CRLF1: variants seen among roughly 807,000 people sequenced by gnomAD.
The protein encoded by CRLF1 is cytokine receptor like factor 1.
Under a neutral mutation model 48.9 loss-of-function variants are expected in CRLF1, and 36 were observed. That is an observed-to-expected ratio of 0.74 (90% CI 0.56 to 0.97). The LOEUF (loss-of-function observed/expected upper bound fraction) is 0.97. Among genes scored for constraint, CRLF1 ranks in the 50% least tolerant of loss-of-function variants. The pLI is 0.00. For missense variants in CRLF1, 534 were observed against 575.1 expected (o/e 0.93, Z 0.73); for synonymous variants, 256 against 253.4 (o/e 1.01, Z -0.10).
chr19:18,603,420 A>C (rs1359546447), intron 1 of CRLF1, among the ~76,000 whole-genome samples: 1 of 152,232 alleles, frequency 6.6e-6, no homozygotes, highest in Non-Finnish European at 1.5e-5. Flanking sequence ...TGCAAGTGCC[A>C]AGGTCCTGGG....
At chr19:18,597,632 GT>G (rs1222716352) in intron 4 of CRLF1, among the ~76,000 whole-genome samples, 1 of 151,804 alleles carries the variant, frequency 6.6e-6, no homozygotes. Flanking sequence ...GGGTTTCACC[GT>G]TTTTTAGCCG....
Position 18,594,345 on chromosome 19 carries a change from C to A in CRLF1, c.1114G>T (p.Gly372Cys). 1 of 1,612,090 alleles carries A rather than the reference C, an allele frequency of 6.2e-7. No individual in the cohort carries two copies. The highest frequency in any genetic ancestry group is 8.5e-7 in the Non-Finnish European group (1 of 1,179,692). The part of the protein sequence containing the change: ...PVRRELKQFL[G>C]WLKKHAYCSN... ...CAGTACGCGTGCTTCTTGAGCCAGC[C>A]CAGGAACTGCTTGAGCTCGCGCCGC... The change falls in exon 7 of 9, where the codon GGC (glycine) becomes TGC (cysteine). Residue 372 changes from glycine (G) to cysteine (C), a missense_variant. Gly to Cys is a radical substitution (Grantham distance 159). This residue lies in a region of CRLF1 where 528 missense variants were observed against 555.7 expected (regional missense o/e 0.95). Transcript: ENST00000392386.
At chr19:18,597,591 G>A (rs898406487) in intron 4 of CRLF1, among the ~76,000 whole-genome samples, 6 of 151,798 alleles carry the variant, frequency 4.0e-5, no homozygotes, top group East Asian at 1.9e-4. Flanking sequence ...CACTACGCCC[G>A]GCTAAATTGT....
chr19:18,594,032 T>TGGGGGGGCCC, intron 8 of CRLF1, 33 bp downstream of exon 8: 1 of 695,812 alleles, frequency 1.4e-6, no homozygotes, highest in Non-Finnish European at 2.2e-6. Flanking sequence ...CTCCCCTTGC[T>TGGGGGGGCCC]CCCTCCCGCC....
In CRLF1 at chr19:18,603,186, T is replaced by G. The variant is rs139436649; in HGVS notation, c.116-3340A>C. 2.1e-3 allele frequency among the ~76,000 whole-genome samples: 320 copies of G among 152,374 alleles called. 1 individual carries two copies. Among genetic ancestry groups the G allele is most frequent in the African/African-American group, 7.4e-3 (307 of 41,596 alleles). ...TGATGCCCAAGACACACAAAAGTCCTGCCCTTGTGGGCATCAAATCCAAGG... is the reference window on the plus strand; with the variant it reads ...TGATGCCCAAGACACACAAAAGTCCGGCCCTTGTGGGCATCAAATCCAAGG... On this transcript the variant is annotated intron_variant, in intron 1 of 8. Transcript: ENST00000392386.
intron 1 of CRLF1, among the ~76,000 whole-genome samples, chr19:18,601,624 G>C (rs933537332): frequency 3.4e-4 from 52 of 152,088 alleles, no homozygotes; most frequent in African/African-American, 1.0e-3. Flanking sequence ...GGCTGGTCTC[G>C]AACTCCTGAC....
At position 18,606,532 on chromosome 19, in the gene CRLF1, G is replaced by C. The variant is rs1206063536; in HGVS notation, c.115+10C>G. On this transcript the variant is annotated intron_variant, in intron 1 of 8. Coordinates refer to ENST00000392386, the MANE Select transcript of CRLF1 (RefSeq NM_004750.5). The surrounding 1 kb of genome is among the most constrained non-coding windows in gnomAD (Gnocchi z 4.8). ...GGCAGGGGGGAAGGAGTGGGGCGCC[G>C]GGTACTCACGGGCTCCTGATCCGGC... 8.6e-6 allele frequency: 10 copies of C among 1,161,752 alleles called. No individual in the cohort carries two copies. The highest frequency in any genetic ancestry group is 1.1e-5 in the Non-Finnish European group (10 of 943,578). The allele number at this position is 1,161,752 out of a possible 1,614,324, so 72.0% of individuals were successfully genotyped here.
chr19:18,601,252 C>G (rs1976216813), intron 1 of CRLF1, among the ~76,000 whole-genome samples: 1 of 151,932 alleles, frequency 6.6e-6, no homozygotes, highest in South Asian at 2.1e-4. Context: ...AAGCCCTGAC[C>G]CTTACTTGAA....
rs759747004 is a variant in CRLF1 at position 18,593,596 on chromosome 19, A to G, written c.1256-17T>C. 1.2e-6 allele frequency: 2 copies of G among 1,601,810 alleles called. No homozygotes were observed. The highest frequency in any genetic ancestry group is 1.7e-6 in the Non-Finnish European group (2 of 1,174,544). The stretch of plus-strand genomic sequence containing the variant: ...TGGCAGGACCTGCAGGCAGAGGGGA[A>G]GCCAAGCTAAGCAGGGAGTCCAGGA... On this transcript the variant is annotated splice_polypyrimidine_tract_variant and intron_variant, in intron 8 of 8. Transcript: ENST00000392386.
intron 6 of CRLF1, among the ~76,000 whole-genome samples, chr19:18,594,976 G>GAC (rs1182495705): frequency 6.6e-6 from 1 of 152,084 alleles, no homozygotes; most frequent in Non-Finnish European, 1.5e-5. Flanking sequence ...GAGGAAGAGT[G>GAC]ACAGATGAAG....
At position 18,593,516 on chromosome 19, in the gene CRLF1, C is replaced by T. The variant is rs1411258717; in HGVS notation, c.*50G>A. The T allele has an allele frequency of 3.7e-6, 6 of 1,605,718 alleles. No individual in the cohort carries two copies. In the African/African-American group the frequency reaches 4.0e-5, roughly 11 times the overall value. ...TACAGAGGTGGCCCCAGTTTGGGTT[C>T]GGCCTCTGCGTCTCCACGTGGCAGG... On this transcript the variant is annotated 3_prime_UTR_variant, in exon 9 of 9. Coordinates refer to ENST00000392386, the MANE Select transcript of CRLF1 (RefSeq NM_004750.5).
intron 2 of CRLF1, among the ~76,000 whole-genome samples, chr19:18,599,293 A>C (rs1158770786): frequency 6.6e-6 from 1 of 152,060 alleles, no homozygotes; most frequent in Non-Finnish European, 1.5e-5. Context: ...TTTAGTAGAG[A>C]TGGGGTTTCG....
rs748628554 is a variant in CRLF1 at position 18,593,573 on chromosome 19, G to C, written c.1262C>G (p.Ala421Gly). The C allele has an allele frequency of 6.2e-7, 1 of 1,608,878 alleles. No homozygotes were observed. The highest frequency in any genetic ancestry group is 8.5e-7 in the Non-Finnish European group (1 of 1,178,154). The change falls in exon 9 of 9, where the codon GCC becomes GGC. Residue 421 changes from alanine to glycine, a missense_variant. Transcript: ENST00000392386. ...SGRRGTARGP[A>G]R Reference sequence around the variant, plus strand: ...GGCCTGAGCCCCTACAGCTTATCTGGCAGGACCTGCAGGCAGAGGGGAAGC... The same window carrying C: ...GGCCTGAGCCCCTACAGCTTATCTGCCAGGACCTGCAGGCAGAGGGGAAGC...
In CRLF1 at chr19:18,606,685, G is replaced by T. The variant is rs1454968706; in HGVS notation, c.-29C>A. ...GCCGGCGCTGCCGGGGGCGCGCGGCGGGCTGCGGCTCGGCGGCGGTGGCGC... is the reference window on the plus strand; with the variant it reads ...GCCGGCGCTGCCGGGGGCGCGCGGCTGGCTGCGGCTCGGCGGCGGTGGCGC... On this transcript the variant is annotated 5_prime_UTR_variant, in exon 1 of 9. Coordinates refer to ENST00000392386, the MANE Select transcript of CRLF1 (RefSeq NM_004750.5). This position sits in a 1 kb window ranked among gnomAD's most constrained non-coding sequence, Gnocchi z 4.8. The T allele has an allele frequency of 6.4e-6, 3 of 468,684 alleles. No homozygotes were observed. The highest frequency in any genetic ancestry group is 8.3e-6 in the Non-Finnish European group (3 of 361,278). The allele number at this position is 468,684 out of a possible 1,614,324, so 29.0% of individuals were successfully genotyped here.
Position 18,606,550 on chromosome 19 carries a change from G to T in CRLF1, c.107C>A (p.Ser36Ter). The change falls in exon 1 of 9, where the codon TCA becomes TAA. Residue 36 changes from serine to a stop codon, truncating the protein, a stop_gained. Coordinates refer to ENST00000392386, the MANE Select transcript of CRLF1 (RefSeq NM_004750.5). LOFTEE classifies it high-confidence loss of function. This position sits in a 1 kb window ranked among gnomAD's most constrained non-coding sequence, Gnocchi z 4.8. Reference protein sequence around the residue: ...LCVLGAPRAGSGAHTAVISPQ... With the variant: ...LCVLGAPRAG ...GGGCGCCGGGTACTCACGGGCTCCTGATCCGGCTCGCGGCGCCCCGAGGAC... is the reference window on the plus strand; with the variant it reads ...GGGCGCCGGGTACTCACGGGCTCCTTATCCGGCTCGCGGCGCCCCGAGGAC... 1 of 1,153,698 alleles carries T rather than the reference G, an allele frequency of 8.7e-7. No homozygotes were observed. Among genetic ancestry groups the T allele is most frequent in the South Asian group, 4.2e-5 (1 of 23,608 alleles). The allele number at this position is 1,153,698 out of a possible 1,614,324, so 71.5% of individuals were successfully genotyped here.
intron 1 of CRLF1, among the ~76,000 whole-genome samples, chr19:18,600,432 G>A (rs995117033): frequency 2.0e-5 from 3 of 151,630 alleles, no homozygotes; most frequent in Non-Finnish European, 2.9e-5. Context: ...GCAGTGGCAC[G>A]ATCTCGGCTC....
At chr19:18,599,004 AAGG>A in intron 2 of CRLF1, 103 bp from the exon 3 acceptor site, 1 of 1,565,238 alleles carries the variant, frequency 6.4e-7, no homozygotes, top group Non-Finnish European at 8.6e-7. Context: ...CTTGGAGTGG[AAGG>A]AGGGCAGACA....
chr19:18,600,889 G>T (rs1437735884), intron 1 of CRLF1, among the ~76,000 whole-genome samples: 3 of 151,248 alleles, frequency 2.0e-5, no homozygotes, highest in African/African-American at 4.9e-5. Flanking sequence ...CTGCAGCCTC[G>T]ATCTCCTGGG....
At chr19:18,598,960 C>A in intron 2 of CRLF1, 59 bp from the exon 3 acceptor site, 1 of 1,597,872 alleles carries the variant, frequency 6.3e-7, no homozygotes, top group Non-Finnish European at 8.5e-7. Context: ...TGAGCCTCGG[C>A]TGAGGGGTTG....
Sources: gnomAD v4.1 joint callset for allele counts (sites outside exome capture counted in the v4.1 genomes callset) on GRCh38, gnomAD v4.1.1 for gene constraint, gnomAD v4.1.1 regional missense constraint, Gnocchi (gnomAD v3.1) non-coding constraint, MANE v1.5 for transcripts, NCBI Gene and HGNC (gene_info 2026-07-23, HGNC 2026-07-21) for gene names.